The following NELL1 variants were observed in gnomAD, a reference collection of about 807,000 sequenced individuals.
NELL1 encodes the protein protein kinase C-binding protein NELL1.
NELL1 carries 76 observed loss-of-function variants against 107.4 expected under a neutral mutation model. That is an observed-to-expected ratio of 0.71 (90% CI 0.59 to 0.86). NELL1 has a LOEUF of 0.86. Among genes scored for constraint, NELL1 ranks in the 40% least tolerant of loss-of-function variants. The pLI is 0.00. For missense variants in NELL1, 1,024 were observed against 1,005.5 expected (o/e 1.02, Z -0.25); for synonymous variants, 353 against 341.2 (o/e 1.03, Z -0.38).
intron 12 of NELL1, among the ~76,000 whole-genome samples, chr11:21,059,386 A>C (rs945325866): frequency 1.3e-4 from 19 of 151,726 alleles, no homozygotes; most frequent in African/African-American, 4.6e-4. Flanking sequence ...GCTGCTTTTC[A>C]TACTTCATTC....
Position 20,743,813 on chromosome 11 carries a change from C to T in NELL1, c.185-39867C>T, listed in dbSNP as rs141720678. On this transcript the variant is annotated intron_variant, in intron 2 of 19. Coordinates refer to ENST00000357134, the MANE Select transcript of NELL1 (RefSeq NM_006157.5). ...TTTATATTTCTAACTCACACCACTT[C>T]CCTGAAAGGCAGAGTTAAATATCTA... 6.6e-5 allele frequency among the ~76,000 whole-genome samples: 10 copies of T among 152,312 alleles called. No individual in the cohort carries two copies. The East Asian group carries it at 1.9e-3, about 29-fold the overall frequency.
At chr11:21,512,139 G>A (rs185420750) in intron 15 of NELL1, among the ~76,000 whole-genome samples, 6 of 152,264 alleles carry the variant, frequency 3.9e-5, no homozygotes, top group Admixed American at 1.3e-4. Flanking sequence ...ACCCTTGTGA[G>A]TTGGTACCTC....
chr11:20,974,766 T>C (rs1292262235), intron 12 of NELL1, among the ~76,000 whole-genome samples: 5 of 152,152 alleles, frequency 3.3e-5, no homozygotes, highest in African/African-American at 1.2e-4. Flanking sequence ...CACTGAAGGC[T>C]TCAGTATCTC....
chr11:20,804,233 CTTAA>C (rs751618196), intron 3 of NELL1, among the ~76,000 whole-genome samples: 3 of 151,854 alleles, frequency 2.0e-5, no homozygotes, highest in Non-Finnish European at 4.4e-5. Flanking sequence ...CAATTTTATT[CTTAA>C]TTGTTTATCC....
Position 20,673,362 on chromosome 11 carries a change from T to G in NELL1, c.55+3584T>G, listed in dbSNP as rs547178326. On this transcript the variant is annotated intron_variant, in intron 1 of 19. Coordinates refer to ENST00000357134, the MANE Select transcript of NELL1 (RefSeq NM_006157.5). ...AGGTGCCCAGGGGCCCAAACCTGAT[T>G]AAGTGGTTGTGAAATTCTGTGGTTA... Among the ~76,000 whole-genome samples the G allele has an allele frequency of 2.0e-5, 3 of 152,236 alleles. No homozygotes were observed. The South Asian group carries it at 6.2e-4, about 32-fold the overall frequency.
chr11:21,493,866 T>A (rs1212497725), intron 15 of NELL1, among the ~76,000 whole-genome samples: 1 of 152,014 alleles, frequency 6.6e-6, no homozygotes, highest in East Asian at 1.9e-4. Context: ...TCATACCCTA[T>A]AAATATGTAA....
chr11:21,331,370 A>C (rs11026029), intron 14 of NELL1, among the ~76,000 whole-genome samples: 1 of 151,578 alleles, frequency 6.6e-6, no homozygotes, highest in African/African-American at 2.4e-5. Context: ...CTTATCTTTT[A>C]TTTGTTTGCA....
At chr11:20,943,269 C>T (rs1402336309) in intron 10 of NELL1, among the ~76,000 whole-genome samples, 2 of 152,030 alleles carry the variant, frequency 1.3e-5, no homozygotes, top group Non-Finnish European at 2.9e-5. Flanking sequence ...TTCTTGAGCA[C>T]TTATTATCTT....
At chr11:21,126,086 G>A (rs1477930469) in intron 13 of NELL1, among the ~76,000 whole-genome samples, 1 of 152,178 alleles carries the variant, frequency 6.6e-6, no homozygotes, top group Non-Finnish European at 1.5e-5. Context: ...GTGGGAGGTT[G>A]AGGAACTTGT....
intron 11 of NELL1, among the ~76,000 whole-genome samples, chr11:20,956,683 G>A (rs535962798): frequency 2.0e-5 from 3 of 151,484 alleles, no homozygotes; most frequent in South Asian, 4.2e-4. Context: ...TCATCCGTTC[G>A]CCATATGCAT....
chr11:21,540,257 T>C (rs1856257372), intron 16 of NELL1, among the ~76,000 whole-genome samples: 1 of 152,082 alleles, frequency 6.6e-6, no homozygotes, highest in Non-Finnish European at 1.5e-5. Context: ...CACCCTACTC[T>C]GCTCTCAAAC....
intron 4 of NELL1, among the ~76,000 whole-genome samples, chr11:20,870,990 A>G (rs1849185008): frequency 1.3e-5 from 2 of 152,248 alleles, no homozygotes; most frequent in African/African-American, 4.8e-5. Context: ...AAAACAATCA[A>G]GTTTGTATTG....
chr11:20,714,368 A>ATT (rs34626801), intron 2 of NELL1, among the ~76,000 whole-genome samples: 2 of 148,020 alleles, frequency 1.4e-5, no homozygotes, highest in African/African-American at 5.0e-5. Flanking sequence ...CACGCCCGGC[A>ATT]TTTTTTTTTT....
intron 16 of NELL1, among the ~76,000 whole-genome samples, chr11:21,552,030 C>G (rs202112338): frequency 6.9e-6 from 1 of 144,656 alleles, no homozygotes; most frequent in Admixed American, 7.0e-5. Context: ...AGTAAACTAT[C>G]GCAAGAACAA....
chr11:21,140,262 CAG>C (rs1333735291), intron 13 of NELL1, among the ~76,000 whole-genome samples: 1 of 152,080 alleles, frequency 6.6e-6, no homozygotes, highest in Non-Finnish European at 1.5e-5. Flanking sequence ...AAATGGATAA[CAG>C]GGAGAGAACA....
chr11:21,427,563 A>G (rs1234183282), intron 15 of NELL1, among the ~76,000 whole-genome samples: 1 of 152,216 alleles, frequency 6.6e-6, no homozygotes, highest in East Asian at 1.9e-4. Context: ...TCTGATATGT[A>G]TAGTAAGTGC....
chr11:21,131,868 T>C (rs1326785907), intron 13 of NELL1, among the ~76,000 whole-genome samples: 1 of 152,184 alleles, frequency 6.6e-6, no homozygotes, highest in Non-Finnish European at 1.5e-5. Context: ...AATGATGTTT[T>C]ATTAACCACT....
At chr11:21,151,461 G>A (rs562163671) in intron 13 of NELL1, among the ~76,000 whole-genome samples, 6 of 152,088 alleles carry the variant, frequency 3.9e-5, no homozygotes, top group Non-Finnish European at 7.4e-5. Context: ...TGCATGCTGC[G>A]TGTTGATGGT....
chr11:21,198,826 C>T (rs1384419720), intron 13 of NELL1, among the ~76,000 whole-genome samples: 1 of 152,082 alleles, frequency 6.6e-6, no homozygotes, highest in Non-Finnish European at 1.5e-5. Context: ...CATGAAGGGT[C>T]ACTTCCTCCA....
Sources: allele counts gnomAD v4.1 joint callset (sites outside exome capture counted in the v4.1 genomes callset), GRCh38; gene constraint gnomAD v4.1.1; transcripts MANE v1.5; gene names NCBI Gene and HGNC (gene_info 2026-07-23, HGNC 2026-07-21).